The following CSMD1 variants were observed in gnomAD, a reference collection of about 807,000 sequenced individuals.
CSMD1 encodes the protein CUB and Sushi multiple domains 1, also known as CUB and sushi domain-containing protein 1.
A neutral mutation model predicts 417.5 loss-of-function variants in CSMD1; 213 were observed. The ratio of observed to expected loss-of-function variants is 0.51; its 90% CI spans 0.46 to 0.57. The LOEUF (loss-of-function observed/expected upper bound fraction) is 0.57. CSMD1 is among the 20% of genes least tolerant of loss of function. The pLI, the probability that CSMD1 is intolerant of heterozygous loss-of-function variation, is 0.00. For missense variants in CSMD1, 6,923 were observed against 4,529.7 expected (o/e 1.53, Z -15.17); for synonymous variants, 2,862 against 1,736.8 (o/e 1.65, Z -16.11).
intron 2 of CSMD1, among the ~76,000 whole-genome samples, chr8:4,446,464 C>A (rs1798794640): frequency 6.7e-6 from 1 of 149,682 alleles, no homozygotes; most frequent in African/African-American, 2.6e-5. Context: ...GGGACGATCA[C>A]CGAACTTGGG....
intron 10 of CSMD1, among the ~76,000 whole-genome samples, chr8:3,532,854 G>T (rs975729185): frequency 1.3e-5 from 2 of 152,030 alleles, no homozygotes; most frequent in African/African-American, 4.8e-5. Context: ...ATGACCTACA[G>T]AAAATATAAT....
intron 1 of CSMD1, among the ~76,000 whole-genome samples, chr8:4,696,742 C>G (rs1281362613): frequency 1.3e-5 from 2 of 152,160 alleles, no homozygotes; most frequent in African/African-American, 4.8e-5. Flanking sequence ...GAATAATGCC[C>G]AGCACCCAAC....
intron 2 of CSMD1, among the ~76,000 whole-genome samples, chr8:4,431,046 T>G (rs1797843317): frequency 6.6e-6 from 1 of 152,172 alleles, no homozygotes. Context: ...TCAGAATAAC[T>G]CGTGGAGTGT....
intron 23 of CSMD1, among the ~76,000 whole-genome samples, chr8:3,318,478 A>AGTC (rs1233002465): frequency 6.6e-6 from 1 of 152,218 alleles, no homozygotes; most frequent in East Asian, 1.9e-4. Context: ...AGAAACTCAT[A>AGTC]GTCTGTGTAG....
chr8:3,238,588 T>G (rs1046849719), intron 26 of CSMD1, among the ~76,000 whole-genome samples: 19 of 151,858 alleles, frequency 1.3e-4, no homozygotes, highest in African/African-American at 4.6e-4. Context: ...GAAGATTTTG[T>G]GGTAAGGGGT....
chr8:4,565,467 G>T (rs187414269), intron 2 of CSMD1, among the ~76,000 whole-genome samples: 1 of 152,132 alleles, frequency 6.6e-6, no homozygotes, highest in African/African-American at 2.4e-5. Flanking sequence ...CCCAGGCATA[G>T]TGGCTCACAC....
At chr8:3,984,051 G>C (rs994175329) in intron 5 of CSMD1, among the ~76,000 whole-genome samples, 2 of 147,718 alleles carry the variant, frequency 1.4e-5, no homozygotes, top group Admixed American at 6.8e-5. Context: ...GATCTGATGG[G>C]GCTGTCAATT....
chr8:4,565,353 A>T (rs1410057557), intron 2 of CSMD1, among the ~76,000 whole-genome samples: 1 of 152,198 alleles, frequency 6.6e-6, no homozygotes, highest in Non-Finnish European at 1.5e-5. Flanking sequence ...AATGGCTTGT[A>T]ACAAGCCATG....
chr8:3,990,970 G>A (rs1266292354), intron 5 of CSMD1, among the ~76,000 whole-genome samples: 1 of 152,142 alleles, frequency 6.6e-6, no homozygotes, highest in Non-Finnish European at 1.5e-5. Flanking sequence ...AGAAGGACAG[G>A]AGAGAAAATG....
chr8:3,029,184 G>T, intron 51 of CSMD1, 135 bp downstream of exon 51: 1 of 593,872 alleles, frequency 1.7e-6, no homozygotes, highest in Non-Finnish European at 2.7e-6. Flanking sequence ...GCAATGAAAA[G>T]ACAGGCCATT....
chr8:4,753,403 CCACACACACACACACA>C (rs71209121), intron 1 of CSMD1, among the ~76,000 whole-genome samples: 48,890 of 137,710 alleles, frequency 0.36, 8,523 homozygotes, highest in Admixed American at 0.47. Context: ...CCACCATAAA[CCACACACACACACACA>C]CACACACACA....
intron 7 of CSMD1, among the ~76,000 whole-genome samples, chr8:3,688,937 G>A (rs1054584121): frequency 1.3e-5 from 2 of 152,076 alleles, no homozygotes; most frequent in African/African-American, 4.8e-5. Flanking sequence ...TGAAAATTAA[G>A]TAATTAAATG....
intron 1 of CSMD1, among the ~76,000 whole-genome samples, chr8:4,715,434 C>G (rs1018192041): frequency 5.9e-5 from 9 of 152,136 alleles, no homozygotes; most frequent in Admixed American, 3.3e-4. Context: ...TTTCTATTTA[C>G]CCATTCCCTT....
intron 3 of CSMD1, among the ~76,000 whole-genome samples, chr8:4,410,532 G>A (rs997013355): frequency 6.6e-6 from 1 of 152,160 alleles, no homozygotes; most frequent in African/African-American, 2.4e-5. Context: ...GAGACTATTA[G>A]ACATCATCCA....
chr8:3,357,993 A>G (rs1190996151), intron 21 of CSMD1, among the ~76,000 whole-genome samples: 1 of 152,220 alleles, frequency 6.6e-6, no homozygotes. Context: ...CCAGAAATAT[A>G]GCTTTATCAT....
At chr8:3,991,035 A>T (rs150876965) in intron 5 of CSMD1, among the ~76,000 whole-genome samples, 1 of 151,922 alleles carries the variant, frequency 6.6e-6, no homozygotes, top group Non-Finnish European at 1.5e-5. Context: ...TGCCTGCTTC[A>T]CTCCACTTGT....
At chr8:3,943,691 G>T (rs1031259406) in intron 5 of CSMD1, among the ~76,000 whole-genome samples, 1 of 152,022 alleles carries the variant, frequency 6.6e-6, no homozygotes, top group African/African-American at 2.4e-5. Context: ...ATGAACTGAA[G>T]ACACAATGCC....
chr8:4,162,401 C>G (rs1223379474), intron 3 of CSMD1, among the ~76,000 whole-genome samples: 2 of 152,016 alleles, frequency 1.3e-5, no homozygotes. Context: ...GACAGTAAAT[C>G]TTTGAGGATA....
chr8:3,869,055 C>T (rs765847078), intron 5 of CSMD1, among the ~76,000 whole-genome samples: 10 of 152,216 alleles, frequency 6.6e-5, no homozygotes, highest in Admixed American at 3.9e-4. Context: ...AGGGTCCCTT[C>T]GTGGCTGCCA....
Sources: allele counts gnomAD v4.1 joint callset (sites outside exome capture counted in the v4.1 genomes callset), GRCh38; gene constraint gnomAD v4.1.1; transcripts MANE v1.5; gene names NCBI Gene and HGNC (gene_info 2026-07-23, HGNC 2026-07-21).